LHFPL3: variants seen among roughly 807,000 people sequenced by gnomAD.
The protein encoded by LHFPL3 is LHFPL tetraspan subfamily member 3, also known as LHFPL tetraspan subfamily member 3 protein.
In LHFPL3, 5 loss-of-function variants were observed where a neutral mutation model predicts 19.3. The observed-to-expected ratio is 0.26, with a 90% CI of 0.14 to 0.54. LHFPL3 has a LOEUF of 0.54. Ranked by LOEUF, LHFPL3 falls within the 20% of genes least tolerant of loss-of-function variation. The probability of loss-of-function intolerance (pLI) is 0.94; values close to 1 mark genes in which losing one functional copy is unlikely to be tolerated. For missense variants in LHFPL3, 249 were observed against 307.4 expected (o/e 0.81, Z 1.42); for synonymous variants, 133 against 126.2 (o/e 1.05, Z -0.36).
At chr7:104,577,651 T>C (rs1554409547) in intron 1 of LHFPL3, among the ~76,000 whole-genome samples, 1 of 152,202 alleles carries the variant, frequency 6.6e-6, no homozygotes, top group Non-Finnish European at 1.5e-5. Flanking sequence ...ACTCTGATAT[T>C]GACTGTTTTG....
chr7:104,372,085 A>G (rs529736234), intron 1 of LHFPL3, among the ~76,000 whole-genome samples: 2 of 152,210 alleles, frequency 1.3e-5, no homozygotes, highest in Non-Finnish European at 2.9e-5. Context: ...ATAATTTGTT[A>G]CTGTTCCAAA....
chr7:104,508,236 T>G (rs1369057207), intron 1 of LHFPL3, among the ~76,000 whole-genome samples: 1 of 151,744 alleles, frequency 6.6e-6, no homozygotes, highest in Non-Finnish European at 1.5e-5. Context: ...TAGACTGGAT[T>G]AAGAAAATGT....
At chr7:104,747,127 G>A (rs570468393) in intron 2 of LHFPL3, among the ~76,000 whole-genome samples, 13 of 152,286 alleles carry the variant, frequency 8.5e-5, no homozygotes, top group African/African-American at 1.7e-4. Flanking sequence ...AGACTAAAAG[G>A]TTATTCCTTT....
chr7:104,422,228 G>A (rs745367714), intron 1 of LHFPL3, among the ~76,000 whole-genome samples: 5 of 152,186 alleles, frequency 3.3e-5, no homozygotes, highest in Non-Finnish European at 7.3e-5. Context: ...GGCCACGGTG[G>A]CATGTGCCTG....
chr7:104,694,377 T>G (rs1792960986), intron 1 of LHFPL3, among the ~76,000 whole-genome samples: 1 of 152,238 alleles, frequency 6.6e-6, no homozygotes, highest in Non-Finnish European at 1.5e-5. Context: ...ACTGGTCTAT[T>G]GTGATGAGGA....
At chr7:104,568,020 C>T (rs915066507) in intron 1 of LHFPL3, among the ~76,000 whole-genome samples, 1 of 152,180 alleles carries the variant, frequency 6.6e-6, no homozygotes, top group Non-Finnish European at 1.5e-5. Context: ...GATGTCAGAG[C>T]TGGAAGGAGC....
chr7:104,724,945 T>C (rs75296968), intron 1 of LHFPL3, among the ~76,000 whole-genome samples: 2,059 of 152,298 alleles, frequency 0.014, 44 homozygotes, highest in African/African-American at 0.045. Flanking sequence ...TTAAGCATTC[T>C]CCAACCAGTC....
At chr7:104,336,610 G>C (rs1175098864) in intron 1 of LHFPL3, among the ~76,000 whole-genome samples, 1 of 152,046 alleles carries the variant, frequency 6.6e-6, no homozygotes, top group Non-Finnish European at 1.5e-5. Flanking sequence ...AATGAAAGAA[G>C]AAAGCAAACC....
chr7:104,450,503 C>G (rs921323761), intron 1 of LHFPL3, among the ~76,000 whole-genome samples: 1 of 151,920 alleles, frequency 6.6e-6, no homozygotes, highest in Admixed American at 6.6e-5. Context: ...TGTTCTCACT[C>G]GTAAGTGGGA....
chr7:104,877,653 C>G (rs1310349035), intron 2 of LHFPL3, among the ~76,000 whole-genome samples: 1 of 152,050 alleles, frequency 6.6e-6, no homozygotes, highest in Admixed American at 6.6e-5. Flanking sequence ...AAGTGAAACT[C>G]TCATACATTG....
chr7:104,512,045 C>T (rs770211766), intron 1 of LHFPL3, among the ~76,000 whole-genome samples: 7 of 149,934 alleles, frequency 4.7e-5, no homozygotes, highest in African/African-American at 1.7e-4. Flanking sequence ...ACCTCCACCT[C>T]CCAGGTTCAA....
intron 1 of LHFPL3, among the ~76,000 whole-genome samples, chr7:104,408,573 T>TA (rs1018068696): frequency 1.7e-4 from 26 of 152,320 alleles, no homozygotes; most frequent in African/African-American, 5.5e-4. Flanking sequence ...CTCTGTGGGG[T>TA]AAAATCTTAA....
intron 1 of LHFPL3, among the ~76,000 whole-genome samples, chr7:104,456,123 T>C (rs1410714116): frequency 6.6e-6 from 1 of 152,216 alleles, no homozygotes; most frequent in Non-Finnish European, 1.5e-5. Flanking sequence ...CAATCTTATG[T>C]ACTCTACAAA....
chr7:104,628,054 C>T (rs528601238), intron 1 of LHFPL3, among the ~76,000 whole-genome samples: 32 of 152,174 alleles, frequency 2.1e-4, no homozygotes, highest in African/African-American at 7.7e-4. Context: ...GTTGGAGCAT[C>T]AGGGCTTATA....
At chr7:104,841,812 T>G (rs940390451) in intron 2 of LHFPL3, among the ~76,000 whole-genome samples, 3 of 152,166 alleles carry the variant, frequency 2.0e-5, no homozygotes, top group African/African-American at 7.2e-5. Flanking sequence ...CATGTTATAC[T>G]CCCTCAAAAG....
chr7:104,487,372 G>T (rs1184647184), intron 1 of LHFPL3, among the ~76,000 whole-genome samples: 1 of 152,210 alleles, frequency 6.6e-6, no homozygotes, highest in Admixed American at 6.5e-5. Context: ...CCAGCTCAGG[G>T]TCTCAAGTGG....
chr7:104,745,246 C>A (rs1446134963), intron 2 of LHFPL3, among the ~76,000 whole-genome samples: 1 of 152,200 alleles, frequency 6.6e-6, no homozygotes, highest in East Asian at 1.9e-4. Flanking sequence ...GAAGCTGCCC[C>A]TTCCTCTTTC....
intron 1 of LHFPL3, among the ~76,000 whole-genome samples, chr7:104,725,943 T>C (rs1283051549): frequency 2.7e-5 from 4 of 150,132 alleles, no homozygotes; most frequent in African/African-American, 7.3e-5. Flanking sequence ...TCCCAGCTAC[T>C]TGGGAGGCTG....
At chr7:104,769,925 T>C (rs1794524177) in intron 2 of LHFPL3, among the ~76,000 whole-genome samples, 1 of 152,140 alleles carries the variant, frequency 6.6e-6, no homozygotes, top group Non-Finnish European at 1.5e-5. Context: ...TTCATATGGT[T>C]CAATCTAACA....
Sources: gnomAD v4.1 joint callset for allele counts (sites outside exome capture counted in the v4.1 genomes callset) on GRCh38, gnomAD v4.1.1 for gene constraint, MANE v1.5 for transcripts, NCBI Gene and HGNC (gene_info 2026-07-23, HGNC 2026-07-21) for gene names.